The following PCDH17 variants were observed in gnomAD, a reference collection of about 807,000 sequenced individuals.
The protein encoded by PCDH17 is protocadherin-17.
In PCDH17, 21 loss-of-function variants were observed where a neutral mutation model predicts 67.7. The ratio of observed to expected loss-of-function variants is 0.31; its 90% CI spans 0.22 to 0.45. PCDH17 has a LOEUF of 0.45. Among genes scored for constraint, PCDH17 ranks in the 20% least tolerant of loss-of-function variants. The pLI is 1.00. For synonymous variants in PCDH17, 701 were observed against 656.7 expected, an observed-to-expected ratio of 1.07 and a Z score of -1.03; for missense variants, 1,471 against 1,564.8, an observed-to-expected ratio of 0.94 and a Z score of 1.01.
At chr13:57,671,037 A>C (rs907519508) in intron 3 of PCDH17, among the ~76,000 whole-genome samples, 4 of 151,958 alleles carry the variant, frequency 2.6e-5, no homozygotes, top group Non-Finnish European at 5.9e-5. Flanking sequence ...GATGGGAAAA[A>C]AATCAAAGAA....
intron 3 of PCDH17, among the ~76,000 whole-genome samples, chr13:57,720,193 TTAGTG>T (rs1181548882): frequency 2.0e-5 from 3 of 151,986 alleles, no homozygotes; most frequent in African/African-American, 7.2e-5. Flanking sequence ...ATTAAACTGC[TTAGTG>T]TAGGTTAAAA....
chr13:57,683,361 A>G (rs1433934880), intron 3 of PCDH17, among the ~76,000 whole-genome samples: 1 of 152,020 alleles, frequency 6.6e-6, no homozygotes, highest in East Asian at 1.9e-4. Flanking sequence ...TGCAGAGGAA[A>G]CAAATGATTT....
At chr13:57,680,777 A>G (rs1303565430) in intron 3 of PCDH17, among the ~76,000 whole-genome samples, 1 of 151,704 alleles carries the variant, frequency 6.6e-6, no homozygotes, top group Non-Finnish European at 1.5e-5. Flanking sequence ...AATTATTCTG[A>G]ACAATAAGCA....
At chr13:57,647,489 G>A (rs1181909875) in intron 1 of PCDH17, among the ~76,000 whole-genome samples, 5 of 151,534 alleles carry the variant, frequency 3.3e-5, no homozygotes, top group Admixed American at 2.6e-4. Context: ...ATGTTGATAA[G>A]GCATGGTGAT....
chr13:57,703,134 A>G (rs1955684086), intron 3 of PCDH17, among the ~76,000 whole-genome samples: 1 of 152,160 alleles, frequency 6.6e-6, no homozygotes, highest in South Asian at 2.1e-4. Flanking sequence ...CCAAGATAAG[A>G]ATTTAGAAGT....
In PCDH17 at chr13:57,636,095, G is replaced by C. The variant is rs542659638; in HGVS notation, c.2565+984G>C. On this transcript the variant is annotated intron_variant, in intron 1 of 3. Coordinates refer to ENST00000377918, the MANE Select transcript of PCDH17 (RefSeq NM_001040429.3). ...GATAATACCACAAAACTAAATGACT[G>C]ACCCAGCTTGGACATAGATTCTAAC... 3.8e-4 allele frequency among the ~76,000 whole-genome samples: 58 copies of C among 152,290 alleles called. No individual in the cohort carries two copies. The South Asian group carries it at 8.7e-3, about 23-fold the overall frequency.
chr13:57,630,706 T>C (rs1202177565), upstream of PCDH17, among the ~76,000 whole-genome samples: 1 of 152,206 alleles, frequency 6.6e-6, no homozygotes, highest in Non-Finnish European at 1.5e-5. Context: ...CCTTTTCTCT[T>C]GCATTTTCTT....
rs568448603 is a variant in PCDH17, at chr13:57,704,291, T to G, written c.2798-20321T>G. On this transcript the variant is annotated intron_variant, in intron 3 of 3. Coordinates refer to ENST00000377918, the MANE Select transcript of PCDH17 (RefSeq NM_001040429.3). ...GGATAATGATGATTACATGGCTTAT[T>G]ATGTCTTCATGACTTTTTGGTAGGC... is the stretch of plus-strand genomic sequence containing the variant. Among the ~76,000 whole-genome samples, 85 of 152,242 alleles carry G rather than the reference T, an allele frequency of 5.6e-4. 2 individuals carry two copies. In the South Asian group the frequency reaches 0.011, roughly 20 times the overall value.
At chr13:57,698,423 T>A (rs2138071858) in intron 3 of PCDH17, among the ~76,000 whole-genome samples, 1 of 151,972 alleles carries the variant, frequency 6.6e-6, no homozygotes, top group African/African-American at 2.4e-5. Context: ...CTGTTTGAGA[T>A]TAAAATTAGG....
intron 3 of PCDH17, among the ~76,000 whole-genome samples, chr13:57,691,097 G>A (rs1035030361): frequency 6.6e-6 from 1 of 150,978 alleles, no homozygotes; most frequent in African/African-American, 2.4e-5. Context: ...TAATTCTTTG[G>A]TGACTACCAA....
chr13:57,680,947 G>A (rs1955442888), intron 3 of PCDH17, among the ~76,000 whole-genome samples: 1 of 151,646 alleles, frequency 6.6e-6, no homozygotes, highest in Non-Finnish European at 1.5e-5. Context: ...ACCATATGAA[G>A]TTATTCAATC....
Position 57,696,322 on chromosome 13 carries a change from TAGAC to T in PCDH17, c.2798-28284_2798-28281del, listed in dbSNP as rs1955608165. On this transcript the variant is annotated intron_variant, in intron 3 of 3. Coordinates refer to ENST00000377918, the MANE Select transcript of PCDH17 (RefSeq NM_001040429.3). ...ATAAAATTATTTAAATCTTTATTTT[TAGAC>T]AGACAAATTCTTATTTTATAAATGT... 4.0e-5 allele frequency among the ~76,000 whole-genome samples: 6 copies of T among 151,426 alleles called. No homozygotes were observed. The South Asian group carries it at 1.0e-3, about 26-fold the overall frequency.
chr13:57,654,415 T>TTG (rs376826919), intron 1 of PCDH17, among the ~76,000 whole-genome samples: 1 of 151,800 alleles, frequency 6.6e-6, no homozygotes, highest in South Asian at 2.1e-4. Context: ...TTTTTTTCAT[T>TTG]TGTGTGTGTG....
intron 3 of PCDH17, among the ~76,000 whole-genome samples, chr13:57,701,200 C>A (rs1248658099): frequency 6.6e-6 from 1 of 152,054 alleles, no homozygotes; most frequent in Non-Finnish European, 1.5e-5. Context: ...AAATCAAAGA[C>A]AAAAGCTAGC....
chr13:57,685,745 A>G (rs1955499176), intron 3 of PCDH17, among the ~76,000 whole-genome samples: 1 of 151,936 alleles, frequency 6.6e-6, no homozygotes, highest in Non-Finnish European at 1.5e-5. Flanking sequence ...ATGGGATCCT[A>G]GAACACAAAA....
intron 1 of PCDH17, among the ~76,000 whole-genome samples, chr13:57,662,969 T>C (rs1018872588): frequency 2.0e-5 from 3 of 152,108 alleles, no homozygotes; most frequent in Admixed American, 1.3e-4. Context: ...ACGAAAAAGA[T>C]AGGAGAGTAC....
At chr13:57,651,032 TATC>T (rs1218035401) in intron 1 of PCDH17, among the ~76,000 whole-genome samples, 1 of 152,144 alleles carries the variant, frequency 6.6e-6, no homozygotes, top group Non-Finnish European at 1.5e-5. Context: ...TACATCAAAA[TATC>T]ATTCTAAAAT....
chr13:57,654,575 A>G (rs1204453317), intron 1 of PCDH17, among the ~76,000 whole-genome samples: 1 of 152,084 alleles, frequency 6.6e-6, no homozygotes, highest in Non-Finnish European at 1.5e-5. Flanking sequence ...ACTAGAGGAG[A>G]AAATTCTTGA....
chr13:57,705,899 C>T (rs865883874), intron 3 of PCDH17, among the ~76,000 whole-genome samples: 12 of 151,798 alleles, frequency 7.9e-5, no homozygotes, highest in South Asian at 4.2e-4. Flanking sequence ...CCTGTAATCC[C>T]AGCTACTTGG....
Sources: gnomAD v4.1 joint callset for allele counts (sites outside exome capture counted in the v4.1 genomes callset) on GRCh38, gnomAD v4.1.1 for gene constraint, MANE v1.5 for transcripts, NCBI Gene and HGNC (gene_info 2026-07-23, HGNC 2026-07-21) for gene names.